MADD: variants seen among roughly 807,000 people sequenced by gnomAD.
The protein encoded by MADD is MAP kinase activating death domain.
A neutral mutation model predicts 176.7 loss-of-function variants in MADD; 109 were observed. The ratio of observed to expected loss-of-function variants is 0.62; its 90% CI spans 0.53 to 0.72. The LOEUF (loss-of-function observed/expected upper bound fraction) is 0.72. Among genes scored for constraint, MADD ranks in the 30% least tolerant of loss-of-function variants. The probability of loss-of-function intolerance (pLI) is 0.00; values close to 1 mark genes in which losing one functional copy is unlikely to be tolerated. For synonymous variants in MADD, 771 were observed against 771.3 expected (o/e 1.00, Z 0.01); for missense variants, 1,914 against 2,045.5 (o/e 0.94, Z 1.24).
chr11:47,329,196 C>A (rs1410638227), exon 33 of MADD: 2 of 1,428,220 alleles, frequency 1.4e-6, no homozygotes, highest in Admixed American at 3.3e-5. Flanking sequence ...ACGCCCCTGG[C>A]CCCTTGCTGT....
rs970998660 is a variant in MADD, at chr11:47,299,056, C to T, written c.3642+3001C>T. ...TTGGTCTATGGGTCTGTTTTTTATGCCAGTAGCATGCAGTTATGGTTACTA... is the reference window on the plus strand; with the variant it reads ...TTGGTCTATGGGTCTGTTTTTTATGTCAGTAGCATGCAGTTATGGTTACTA... On this transcript the variant is annotated intron_variant, in intron 22 of 32. Coordinates refer to ENST00000402192, the Ensembl canonical transcript of MADD. Among the ~76,000 whole-genome samples the T allele has an allele frequency of 4.6e-5, 7 of 152,220 alleles. No individual in the cohort carries two copies. In the East Asian group the frequency reaches 1.4e-3, roughly 29 times the overall value.
intron 16 of MADD, 33 bp downstream of exon 17, chr11:47,289,526 C>T (rs749382065): frequency 3.7e-5 from 58 of 1,576,834 alleles, no homozygotes; most frequent in Non-Finnish European, 5.0e-5. Flanking sequence ...TAAAAGTTCT[C>T]AGGCAGAGGT....
chr11:47,326,049 G>A (rs1043579533), intron 30 of MADD, among the ~76,000 whole-genome samples: 6 of 152,308 alleles, frequency 3.9e-5, no homozygotes, highest in African/African-American at 9.6e-5. Context: ...CACAGGCTTC[G>A]GTGTGAGGAC....
At chr11:47,278,027 A>T (rs1446774801) in intron 5 of MADD, 138 bp from the exon 6 acceptor site, 9 of 656,092 alleles carry the variant, frequency 1.4e-5, no homozygotes, top group Admixed American at 2.3e-5. Flanking sequence ...AAAAATTCTG[A>T]ATTTTCAAAT....
intron 8 of MADD, among the ~76,000 whole-genome samples, chr11:47,282,056 A>T (rs2057312870): frequency 2.0e-5 from 3 of 151,740 alleles, no homozygotes; most frequent in Non-Finnish European, 4.4e-5. Context: ...GCTGGTCTGG[A>T]ACTCCTGACC....
chr11:47,312,346 T>C (rs1022198604), intron 26 of MADD, among the ~76,000 whole-genome samples: 2 of 152,238 alleles, frequency 1.3e-5, no homozygotes, highest in Non-Finnish European at 2.9e-5. Context: ...CCTCCTGGGT[T>C]CAAGCGATTC....
At chr11:47,305,137 T>G (rs370871176) in intron 22 of MADD, among the ~76,000 whole-genome samples, 1 of 152,178 alleles carries the variant, frequency 6.6e-6, no homozygotes, top group East Asian at 1.9e-4. Flanking sequence ...ATTCTCATTT[T>G]CCTCACAATG....
At chr11:47,295,634 G>A in intron 21 of MADD, 55 bp downstream of exon 23, 2 of 1,610,894 alleles carry the variant, frequency 1.2e-6, no homozygotes, top group Non-Finnish European at 1.7e-6. Flanking sequence ...TTCCCCTTTG[G>A]AAAAGGGTGC....
chr11:47,294,062 T>G (rs2067941406), intron 20 of MADD, 79 bp downstream of exon 22: 2 of 1,222,304 alleles, frequency 1.6e-6, no homozygotes, highest in Non-Finnish European at 2.4e-6. Flanking sequence ...AATAGAACAG[T>G]CAGACAGCCG....
intron 22 of MADD, among the ~76,000 whole-genome samples, chr11:47,296,764 G>GTTTTTT (rs753454831): frequency 1.0e-4 from 12 of 116,892 alleles, no homozygotes; most frequent in South Asian, 2.7e-4. Flanking sequence ...GTTTTTTGTT[G>GTTTTTT]TTTTTTTTTT....
At position 47,289,127 on chromosome 11, in the gene MADD, A is replaced by G; in HGVS notation, c.2654-264A>G. On this transcript the variant is annotated intron_variant, in intron 15 of 32. Transcript: ENST00000402192. The stretch of plus-strand genomic sequence containing the variant: ...CTTCTCATGGAGCAAGCAGCGTCAC[A>G]TGAGTGACCTGCTTGCCCCGTCCCC... 6.7e-6 allele frequency: 8 copies of G among 1,188,590 alleles called. No individual in the cohort carries two copies. In the South Asian group the frequency reaches 8.8e-5, roughly 13 times the overall value. The allele number at this position is 1,188,590 out of a possible 1,614,324, so 73.6% of individuals were successfully genotyped here.
chr11:47,315,476 T>G (rs2092491252), intron 27 of MADD, 149 bp downstream of exon 30: 1 of 533,638 alleles, frequency 1.9e-6, no homozygotes, highest in Non-Finnish European at 3.4e-6. Flanking sequence ...TTTTGTTTTT[T>G]GCGTGTGTGT....
Position 47,295,503 on chromosome 11 carries a change from A to G in MADD, c.3410A>G (p.Asp1137Gly), listed in dbSNP as rs1029850733. Residue 1137 changes from aspartate to glycine, a missense_variant, in exon 21 of 33, where the codon GAT (aspartate) becomes GGT (glycine). Physicochemically the swap from Asp to Gly is moderately conservative, Grantham distance 94. Coordinates refer to ENST00000402192, the Ensembl canonical transcript of MADD. Reference sequence around the variant, plus strand: ...TCCTGTGTCTTGTTTCAGAGGACTGATCAAGACTCTGTCATCGGCGTGAGT... The same window carrying G: ...TCCTGTGTCTTGTTTCAGAGGACTGGTCAAGACTCTGTCATCGGCGTGAGT... 2.5e-6 allele frequency: 4 copies of G among 1,613,886 alleles called. No individual in the cohort carries two copies. In the African/African-American group the frequency reaches 5.3e-5, roughly 22 times the overall value.
In MADD at chr11:47,273,808, G is replaced by A. The variant is rs1305834800; in HGVS notation, c.-88-19G>A. The A allele has an allele frequency of 6.6e-6, 6 of 911,680 alleles. No homozygotes were observed. The highest frequency in any genetic ancestry group is 1.1e-5 in the Non-Finnish European group (6 of 559,928). 56.5% of individuals were successfully genotyped at this position (911,680 alleles called of 1,614,324 possible). ...TTAGGCACAGCAGTGGATCTTATCA[G>A]TACTTTTTTTCCTATTAGACTTCGA... On this transcript the variant is annotated intron_variant, in intron 1 of 32. Coordinates refer to ENST00000402192, the Ensembl canonical transcript of MADD.
exon 4 of MADD, chr11:47,276,011 C>T: frequency 6.2e-7 from 1 of 1,614,210 alleles, no homozygotes; most frequent in Non-Finnish European, 8.5e-7. Flanking sequence ...GCTGCGCTCC[C>T]CAGTACCCGT....
chr11:47,304,977 G>C (rs910564344), intron 22 of MADD, among the ~76,000 whole-genome samples: 2 of 152,070 alleles, frequency 1.3e-5, no homozygotes, highest in African/African-American at 4.8e-5. Flanking sequence ...TAGATGTAGT[G>C]GTATGTTTTC....
At chr11:47,305,758 A>T (rs1239007476) in intron 22 of MADD, among the ~76,000 whole-genome samples, 1 of 152,182 alleles carries the variant, frequency 6.6e-6, no homozygotes, top group East Asian at 1.9e-4. Context: ...TTAGCAGCTC[A>T]GACTCTAGGG....
At chr11:47,326,629 G>C in intron 30 of MADD, 77 bp downstream of exon 34, 1 of 1,518,924 alleles carries the variant, frequency 6.6e-7, no homozygotes. Flanking sequence ...TCCTCTCTTT[G>C]GGAAATAGAC....
chr11:47,330,019 GTCC>G (rs2095836105), exon 33 of MADD: 1 of 152,714 alleles, frequency 6.5e-6, no homozygotes, highest in Admixed American at 6.5e-5. Context: ...TGAAATAAAT[GTCC>G]TCAACTCCCT....
Sources: gnomAD v4.1 joint callset for allele counts (sites outside exome capture counted in the v4.1 genomes callset) on GRCh38, gnomAD v4.1.1 for gene constraint, MANE v1.5 for transcripts, NCBI Gene and HGNC (gene_info 2026-07-23, HGNC 2026-07-21) for gene names.